The following ZFHX4 variants were observed in gnomAD, a reference collection of about 807,000 sequenced individuals.
ZFHX4 encodes zinc finger homeobox 4.
ZFHX4 carries 56 observed loss-of-function variants against 267.6 expected under a neutral mutation model. The ratio of observed to expected loss-of-function variants is 0.21; its 90% CI spans 0.17 to 0.26. ZFHX4 has a LOEUF of 0.26. ZFHX4 is among the 10% of genes least tolerant of loss of function. The pLI is 1.00. For synonymous variants in ZFHX4, 1,778 were observed against 1,665.6 expected, an observed-to-expected ratio of 1.07 and a Z score of -1.64; for missense variants, 4,332 against 4,420.0, an observed-to-expected ratio of 0.98 and a Z score of 0.56.
At position 76,704,125 on chromosome 8, in the gene ZFHX4, G is replaced by A. The variant is rs373439293; in HGVS notation, c.37G>A (p.Glu13Lys). 15 of 1,613,222 alleles carry A rather than the reference G, an allele frequency of 9.3e-6. No individual in the cohort carries two copies. In the African/African-American group the frequency reaches 1.9e-4, roughly 20 times the overall value. Residue 13 changes from glutamate (E) to lysine (K), a missense_variant, in exon 2 of 11, where the codon GAA becomes AAA. Coordinates refer to ENST00000651372, the MANE Select transcript of ZFHX4 (RefSeq NM_024721.5). Reference sequence around the variant, plus strand: ...TGACTCCCCTCCTATCTCAAGGCAGGAAAATGGGCAGAGCACATCAAAGCT... The same window carrying A: ...TGACTCCCCTCCTATCTCAAGGCAGAAAAATGGGCAGAGCACATCAAAGCT... ...TCDSPPISRQ[E>K]NGQSTSKLCG... is the part of the protein sequence containing the mutation.
rs1235077912 is a variant in ZFHX4 at position 76,854,775 on chromosome 8, A to G, written c.7854A>G (p.Glu2618=). ...CCACGATCACCCCGGAACAGCTGGA[A>G]ATACTCTATGAAAAATACTTGCTGG... ...LRTTITPEQL[E]ILYEKYLLDS... is the part of the protein sequence containing the mutation. The change falls in exon 10 of 11, where the codon GAA becomes GAG. Residue 2618 remains glutamate (E), a synonymous_variant. Transcript: ENST00000651372. 2 of 1,611,238 alleles carry G rather than the reference A, an allele frequency of 1.2e-6. No individual in the cohort carries two copies. Among genetic ancestry groups the G allele is most frequent in the Non-Finnish European group, 1.7e-6 (2 of 1,178,766 alleles).
At chr8:76,724,024 C>CT (rs1183601490) in intron 3 of ZFHX4, among the ~76,000 whole-genome samples, 1 of 151,966 alleles carries the variant, frequency 6.6e-6, no homozygotes, top group African/African-American at 2.4e-5. Flanking sequence ...AAAGAAAGAC[C>CT]TTTTCAAACT....
intron 5 of ZFHX4, 82 bp downstream of exon 5, chr8:76,833,488 C>A: frequency 1.8e-6 from 2 of 1,100,588 alleles, no homozygotes; most frequent in Non-Finnish European, 2.7e-6. Flanking sequence ...ATGGAATAAA[C>A]ATTCTCTGGA....
intron 3 of ZFHX4, among the ~76,000 whole-genome samples, chr8:76,752,852 A>T (rs903554115): frequency 6.6e-6 from 1 of 152,210 alleles, no homozygotes; most frequent in African/African-American, 2.4e-5. Flanking sequence ...AAGAAAGTGA[A>T]TTCACTATAA....
chr8:76,793,726 G>C (rs941394467), intron 4 of ZFHX4, among the ~76,000 whole-genome samples: 1 of 152,140 alleles, frequency 6.6e-6, no homozygotes, highest in African/African-American at 2.4e-5. Flanking sequence ...TTGGTCTGTA[G>C]TTTCATTCTG....
rs190260079 is a variant in ZFHX4, at chr8:76,725,045, A to G, written c.3093+16997A>G. ...TATGTGTAGATATTGATGTGTGTAT[A>G]TATGTATGTATAGCTCTTCATCCTG... On this transcript the variant is annotated intron_variant, in intron 3 of 10. Coordinates refer to ENST00000651372, the MANE Select transcript of ZFHX4 (RefSeq NM_024721.5). Among the ~76,000 whole-genome samples, 234 of 151,934 alleles carry G rather than the reference A, an allele frequency of 1.5e-3. 1 individual carries two copies. Among genetic ancestry groups the G allele is most frequent in the African/African-American group, 5.5e-3 (228 of 41,454 alleles).
intron 3 of ZFHX4, among the ~76,000 whole-genome samples, chr8:76,717,922 T>C (rs1808621064): frequency 6.6e-6 from 1 of 152,212 alleles, no homozygotes; most frequent in African/African-American, 2.4e-5. Flanking sequence ...ATAACTGTAA[T>C]GTGCAGTATT....
chr8:76,776,887 C>G (rs1367051028), intron 3 of ZFHX4, among the ~76,000 whole-genome samples: 1 of 151,958 alleles, frequency 6.6e-6, no homozygotes, highest in Non-Finnish European at 1.5e-5. Context: ...GCTAGTTATT[C>G]TTTTCTTACT....
intron 3 of ZFHX4, among the ~76,000 whole-genome samples, chr8:76,756,663 C>T (rs1809772002): frequency 6.6e-6 from 1 of 152,094 alleles, no homozygotes; most frequent in Non-Finnish European, 1.5e-5. Flanking sequence ...CAATTGCCCT[C>T]TTGTCAACTA....
chr8:76,782,256 T>C (rs1230977068), intron 4 of ZFHX4: 1 of 416,842 alleles, frequency 2.4e-6, no homozygotes, highest in Non-Finnish European at 4.8e-6. Context: ...TGGAGATTTA[T>C]GAGGTTTAGT....
At chr8:76,732,032 G>A (rs1326367072) in intron 3 of ZFHX4, among the ~76,000 whole-genome samples, 1 of 151,962 alleles carries the variant, frequency 6.6e-6, no homozygotes, top group East Asian at 1.9e-4. Context: ...AGTAGAGACA[G>A]GATTTCACCA....
intron 4 of ZFHX4, among the ~76,000 whole-genome samples, chr8:76,808,965 C>A (rs1026860769): frequency 3.3e-5 from 5 of 151,364 alleles, no homozygotes; most frequent in African/African-American, 1.2e-4. Flanking sequence ...ACACACCACA[C>A]CTTATTTTCC....
Position 76,704,853 on chromosome 8 carries a change from T to A in ZFHX4, c.765T>A (p.Asp255Glu). 1 of 1,614,204 alleles carries A rather than the reference T, an allele frequency of 6.2e-7. No individual in the cohort carries two copies. Among genetic ancestry groups the A allele is most frequent in the African/African-American group, 1.3e-5 (1 of 75,046 alleles). The change falls in exon 2 of 11, where the codon GAT (aspartate) becomes GAA (glutamate). Residue 255 changes from aspartate (D) to glutamate (E), a missense_variant. Transcript: ENST00000651372. ...GSAKNSCVSK[D>E]VPNNVDLSKF... ...CCAAAAACTCCTGTGTGTCCAAAGATGTCCCTAACAATGTGGACTTGTCCA... is the reference window on the plus strand; with the variant it reads ...CCAAAAACTCCTGTGTGTCCAAAGAAGTCCCTAACAATGTGGACTTGTCCA...
chr8:76,711,565 C>T (rs1808425285), intron 3 of ZFHX4, among the ~76,000 whole-genome samples: 1 of 152,074 alleles, frequency 6.6e-6, no homozygotes, highest in Non-Finnish European at 1.5e-5. Context: ...TGTTCCTATT[C>T]TTTACAAATT....
intron 3 of ZFHX4, among the ~76,000 whole-genome samples, chr8:76,765,902 GA>G (rs1810038933): frequency 1.3e-5 from 2 of 152,030 alleles, no homozygotes; most frequent in East Asian, 3.9e-4. Context: ...AATTAAGGAA[GA>G]AGCATCCAAA....
chr8:76,866,998 C>A lies in ZFHX4; in HGVS notation c.*2433C>A, dbSNP rs558031577. The A allele has an allele frequency of 3.3e-5, 5 of 152,542 alleles. No homozygotes were observed. The South Asian group carries it at 1.0e-3, about 32-fold the overall frequency. The allele number at this position is 152,542 out of a possible 1,614,324, so 9.4% of individuals were successfully genotyped here. On this transcript the variant is annotated 3_prime_UTR_variant, in exon 11 of 11. Coordinates refer to ENST00000651372, the MANE Select transcript of ZFHX4 (RefSeq NM_024721.5). ...TGCACCCTGAGGTTTTAATAAAAGC[C>A]CCTATGGCTATAACTTTAAATAAAC... is the stretch of plus-strand genomic sequence containing the variant.
Position 76,856,140 on chromosome 8 carries a change from G to T in ZFHX4, c.9219G>T (p.Val3073=). 2 of 1,613,998 alleles carry T rather than the reference G, an allele frequency of 1.2e-6. No homozygotes were observed. Among genetic ancestry groups the T allele is most frequent in the Non-Finnish European group, 1.7e-6 (2 of 1,179,878 alleles). The change falls in exon 10 of 11, where the codon GTG becomes GTT. Residue 3073 remains valine, a synonymous_variant. Transcript: ENST00000651372. ...ATCGTATAAAGAAAGCTTCAGACGT[G>T]CTGGGCTTGACGGTACAGCAGCCAG... ...ELDRIKKASD[V]LGLTVQQPGM... is the part of the protein sequence containing the mutation.
chr8:76,693,653 G>A (rs1807880011), intron 1 of ZFHX4: 1 of 152,178 alleles, frequency 6.6e-6, no homozygotes, highest in Non-Finnish European at 1.5e-5. Context: ...GCAAAGAAAG[G>A]TTTTAGTTGT....
At position 76,862,821 on chromosome 8, in the gene ZFHX4, G is replaced by A. The variant is rs369069655; in HGVS notation, c.9380-273G>A. On this transcript the variant is annotated intron_variant, in intron 10 of 10. Transcript: ENST00000651372. Reference sequence around the variant, plus strand: ...TTTTGTTATTCATCTTTCATAGCATGAGAGCCTGTTTTCTGAGTAAAATGT... The same window carrying A: ...TTTTGTTATTCATCTTTCATAGCATAAGAGCCTGTTTTCTGAGTAAAATGT... 1.9e-3 allele frequency among the ~76,000 whole-genome samples: 288 copies of A among 152,220 alleles called. 3 individuals carry two copies. Among genetic ancestry groups the A allele is most frequent in the Middle Eastern group, 6.8e-3 (2 of 294 alleles).
Sources: gnomAD v4.1 joint callset for allele counts (sites outside exome capture counted in the v4.1 genomes callset) on GRCh38, gnomAD v4.1.1 for gene constraint, MANE v1.5 for transcripts, NCBI Gene and HGNC (gene_info 2026-07-23, HGNC 2026-07-21) for gene names.